POP1: variants seen among roughly 807,000 people sequenced by gnomAD.
POP1 encodes ribonucleases P/MRP protein subunit POP1.
POP1 carries 75 observed loss-of-function variants against 102.2 expected under a neutral mutation model. The ratio of observed to expected loss-of-function variants is 0.73; its 90% CI spans 0.61 to 0.89. The LOEUF (loss-of-function observed/expected upper bound fraction) is 0.89, where lower values mean the gene tolerates loss of function less well. Ranked by LOEUF, POP1 falls within the 40% of genes least tolerant of loss-of-function variation. The pLI is 0.00. For synonymous variants in POP1, 436 were observed against 464.1 expected (o/e 0.94, Z 0.78); for missense variants, 1,116 against 1,267.4 (o/e 0.88, Z 1.81).
intron 11 of POP1, among the ~76,000 whole-genome samples, chr8:98,143,449 CCA>C (rs1298924303): frequency 6.6e-6 from 1 of 152,164 alleles, no homozygotes; most frequent in Non-Finnish European, 1.5e-5. Flanking sequence ...TGCACCGCCA[CCA>C]CACAGTCTAT....
chr8:98,147,749 G>C (rs1649565736), intron 12 of POP1, among the ~76,000 whole-genome samples: 1 of 152,168 alleles, frequency 6.6e-6, no homozygotes, highest in South Asian at 2.1e-4. Flanking sequence ...AATTGACAAG[G>C]CTTGGTGGTT....
Position 98,158,149 on chromosome 8 carries a change from G to A in POP1, c.2953G>A (p.Val985Ile). ...TGGCTGTGGAGAAGCCCTGGGGTTT[G>A]TTAGCTTGACAGGCTTGCTGGATAT... is the stretch of plus-strand genomic sequence containing the variant. ...AVGCGEALGF[V>I]SLTGLLDMLS... Residue 985 changes from valine (V) to isoleucine (I), a missense_variant, in exon 16 of 16, where the codon GTT (valine) becomes ATT (isoleucine). Transcript: ENST00000401707. 1 of 1,609,120 alleles carries A rather than the reference G, an allele frequency of 6.2e-7. No homozygotes were observed. The highest frequency in any genetic ancestry group is 1.7e-5 in the Admixed American group (1 of 59,682).
chr8:98,118,088 C>A (rs192260633), intron 1 of POP1, among the ~76,000 whole-genome samples: 4 of 152,164 alleles, frequency 2.6e-5, no homozygotes, highest in Non-Finnish European at 5.9e-5. Context: ...AAAGATAATA[C>A]AAGAAAATCT....
chr8:98,155,921 G>GTGTT, intron 14 of POP1, 129 bp from the exon 15 acceptor site: 2 of 635,136 alleles, frequency 3.1e-6, no homozygotes, highest in Non-Finnish European at 5.2e-6. Flanking sequence ...GTGTGTGTGT[G>GTGTT]TGTGTGTGTG....
At position 98,129,000 on chromosome 8, in the gene POP1, C is replaced by T. The variant is rs534232021; in HGVS notation, c.486+460C>T. ...TGCATATATTTGATTTAATCATTAT[C>T]CAAACTTCTTCCCTTCAAACGAAAT... On this transcript the variant is annotated intron_variant, in intron 4 of 15. Coordinates refer to ENST00000401707, the MANE Select transcript of POP1 (RefSeq NM_001145860.2). 2.0e-5 allele frequency among the ~76,000 whole-genome samples: 3 copies of T among 152,010 alleles called. No homozygotes were observed. In the South Asian group the frequency reaches 6.2e-4, roughly 32 times the overall value.
At chr8:98,135,043 T>C (rs904473370) in intron 7 of POP1, among the ~76,000 whole-genome samples, 1 of 152,152 alleles carries the variant, frequency 6.6e-6, no homozygotes, top group African/African-American at 2.4e-5. Flanking sequence ...TTTGGGAGGC[T>C]GAAGCAGTTG....
intron 1 of POP1, among the ~76,000 whole-genome samples, 168 bp downstream of exon 1, chr8:98,117,558 T>C (rs1815878255): frequency 1.3e-5 from 2 of 152,150 alleles, no homozygotes; most frequent in African/African-American, 4.8e-5. Context: ...GTGTCGCATC[T>C]CCTTCGGCCC....
At chr8:98,132,476 C>T (rs1055326102) in intron 5 of POP1, among the ~76,000 whole-genome samples, 1 of 152,232 alleles carries the variant, frequency 6.6e-6, no homozygotes, top group African/African-American at 2.4e-5. Context: ...TATTGATTGA[C>T]ATGCGTTGTC....
At chr8:98,153,432 A>G (rs960635583) in intron 14 of POP1, among the ~76,000 whole-genome samples, 29 of 151,248 alleles carry the variant, frequency 1.9e-4, no homozygotes, top group Non-Finnish European at 7.4e-5. Flanking sequence ...GATTGAGTTC[A>G]GTTCTTCTGA....
Position 98,123,480 on chromosome 8 carries a change from G to T in POP1, c.142+1G>T. 1 of 1,613,212 alleles carries T rather than the reference G, an allele frequency of 6.2e-7. No individual in the cohort carries two copies. Among genetic ancestry groups the T allele is most frequent in the Non-Finnish European group, 8.5e-7 (1 of 1,179,428 alleles). The stretch of plus-strand genomic sequence containing the variant: ...AAACCTTTCCAAGCTCAAAAACAAG[G>T]TAAAATACACATAAGAGACCAGGCA... On this transcript the variant is annotated splice_donor_variant, in intron 2 of 15. Transcript: ENST00000401707. LOFTEE classifies it high-confidence loss of function.
chr8:98,151,605 A>C (rs1019907022), intron 14 of POP1, among the ~76,000 whole-genome samples: 2 of 151,276 alleles, frequency 1.3e-5, no homozygotes, highest in Admixed American at 1.3e-4. Flanking sequence ...GGTCTTAATA[A>C]CCTTTATTTG....
chr8:98,148,896 C>A lies in POP1; in HGVS notation c.1792C>A (p.Leu598Ile), dbSNP rs776504171. Residue 598 changes from leucine to isoleucine, a missense_variant, in exon 13 of 16, where the codon CTT becomes ATT. Transcript: ENST00000401707. ...LGPHESKIPILLIQQPGKVTG... is the reference protein window; with the variant it reads ...LGPHESKIPIILIQQPGKVTG... The stretch of plus-strand genomic sequence containing the variant: ...TCCCCATGAATCCAAGATACCTATA[C>A]TTTTGATTCAGCAGCCAGGAAAAGT... 6.2e-7 allele frequency: 1 copy of A among 1,613,910 alleles called. No homozygotes were observed. Among genetic ancestry groups the A allele is most frequent in the East Asian group, 2.2e-5 (1 of 44,888 alleles).
chr8:98,148,911 C>T lies in POP1; in HGVS notation c.1807C>T (p.Pro603Ser). ...SKIPILLIQQ[P>S]GKVTGEDRLG... Reference sequence around the variant, plus strand: ...GATACCTATACTTTTGATTCAGCAGCCAGGAAAAGTGACTGGTGAAGATCG... The same window carrying T: ...GATACCTATACTTTTGATTCAGCAGTCAGGAAAAGTGACTGGTGAAGATCG... Residue 603 changes from proline (P) to serine (S), a missense_variant, in exon 13 of 16, where the codon CCA becomes TCA. By Grantham distance (74) the Pro-to-Ser change is moderately conservative. Coordinates refer to ENST00000401707, the MANE Select transcript of POP1 (RefSeq NM_001145860.2). The T allele has an allele frequency of 6.2e-7, 1 of 1,613,834 alleles. No individual in the cohort carries two copies. Among genetic ancestry groups the T allele is most frequent in the East Asian group, 2.2e-5 (1 of 44,886 alleles).
intron 14 of POP1, among the ~76,000 whole-genome samples, chr8:98,154,607 G>A (rs2130633161): frequency 6.6e-6 from 1 of 152,278 alleles, no homozygotes; most frequent in East Asian, 1.9e-4. Flanking sequence ...TGACTGGTGG[G>A]TTATTGGAAG....
In POP1 at chr8:98,117,369, G is replaced by T. The variant is rs1815868356; in HGVS notation, c.-24G>T. 4 of 485,896 alleles carry T rather than the reference G, an allele frequency of 8.2e-6. No individual in the cohort carries two copies. Among genetic ancestry groups the T allele is most frequent in the Non-Finnish European group, 1.5e-5 (4 of 267,296 alleles). 30.1% of individuals were successfully genotyped at this position (485,896 alleles called of 1,614,324 possible). On this transcript the variant is annotated 5_prime_UTR_variant, in exon 1 of 16. Coordinates refer to ENST00000401707, the MANE Select transcript of POP1 (RefSeq NM_001145860.2). ...CGGAGGCTTGTCATTCTGACCCGGG[G>T]ATTCCTCACAGCGTCTGGCAGGTTG...
intron 7 of POP1, among the ~76,000 whole-genome samples, chr8:98,135,468 A>G (rs1816508336): frequency 6.6e-6 from 1 of 152,048 alleles, no homozygotes; most frequent in Non-Finnish European, 1.5e-5. Context: ...AATTCTAATG[A>G]TTTTTCACAC....
intron 4 of POP1, among the ~76,000 whole-genome samples, chr8:98,129,363 G>C (rs1816309455): frequency 6.6e-6 from 1 of 152,162 alleles, no homozygotes; most frequent in Admixed American, 6.5e-5. Context: ...TTACTAATTG[G>C]TTTAAAACCT....
intron 11 of POP1, among the ~76,000 whole-genome samples, chr8:98,144,994 C>T (rs1816805436): frequency 6.6e-6 from 1 of 152,136 alleles, no homozygotes. Flanking sequence ...CTCAAGCCAT[C>T]CTCCTACCTC....
At chr8:98,149,688 C>T (rs147702723) in intron 13 of POP1, among the ~76,000 whole-genome samples, 4,333 of 152,048 alleles carry the variant, frequency 0.028, 104 homozygotes, top group Middle Eastern at 0.044. Context: ...ACCTGGGAGG[C>T]GGAGTTTCAG....
Sources: allele counts gnomAD v4.1 joint callset (sites outside exome capture counted in the v4.1 genomes callset), GRCh38; gene constraint gnomAD v4.1.1; transcripts MANE v1.5; gene names NCBI Gene and HGNC (gene_info 2026-07-23, HGNC 2026-07-21).